KALRN: variants seen among roughly 807,000 people sequenced by gnomAD.
The protein encoded by KALRN is kalirin.
KALRN carries 70 observed loss-of-function variants against 353.7 expected under a neutral mutation model. The ratio of observed to expected loss-of-function variants is 0.20; its 90% CI spans 0.16 to 0.24. KALRN has a LOEUF of 0.24. Among genes scored for constraint, KALRN ranks in the 10% least tolerant of loss-of-function variants. The pLI is 1.00. For synonymous variants in KALRN, 1,391 were observed against 1,434.8 expected (o/e 0.97, Z 0.69); for missense variants, 2,791 against 3,756.7 (o/e 0.74, Z 6.72).
intron 1 of KALRN, among the ~76,000 whole-genome samples, chr3:124,130,346 G>A (rs1474946483): frequency 2.0e-5 from 3 of 151,942 alleles, no homozygotes; most frequent in African/African-American, 4.8e-5. Context: ...AGTCTGCAAT[G>A]GTTAGGTAGT....
At chr3:124,447,542 C>G (rs1049304399) in intron 21 of KALRN, among the ~76,000 whole-genome samples, 1 of 152,204 alleles carries the variant, frequency 6.6e-6, no homozygotes, top group African/African-American at 2.4e-5. Context: ...TCTGATCTGT[C>G]TCAAGTTCCT....
At chr3:124,542,932 G>A (rs186526809) in intron 33 of KALRN, among the ~76,000 whole-genome samples, 3 of 152,292 alleles carry the variant, frequency 2.0e-5, no homozygotes, top group African/African-American at 7.2e-5. Context: ...CTTGTGAGGC[G>A]GTAGTCAAGG....
chr3:124,298,047 A>G (rs2076983058), intron 5 of KALRN, among the ~76,000 whole-genome samples: 1 of 152,248 alleles, frequency 6.6e-6, no homozygotes, highest in Admixed American at 6.5e-5. Context: ...TGGTTGGGAA[A>G]TGTCATGCAC....
intron 3 of KALRN, among the ~76,000 whole-genome samples, chr3:124,236,646 A>G (rs2079810570): frequency 6.6e-6 from 1 of 152,200 alleles, no homozygotes; most frequent in Non-Finnish European, 1.5e-5. Context: ...AGAGGGAAAG[A>G]GTTGGAAGAA....
At chr3:124,391,454 T>G (rs942335943) in intron 11 of KALRN, among the ~76,000 whole-genome samples, 2 of 152,200 alleles carry the variant, frequency 1.3e-5, no homozygotes, top group African/African-American at 4.8e-5. Flanking sequence ...AGACATTGGC[T>G]TGTAGTAGCT....
intron 13 of KALRN, among the ~76,000 whole-genome samples, chr3:124,405,030 T>C (rs1010752254): frequency 6.6e-6 from 1 of 150,846 alleles, no homozygotes; most frequent in Non-Finnish European, 1.5e-5. Context: ...GTGATCACTG[T>C]CACATTTTCT....
intron 33 of KALRN, among the ~76,000 whole-genome samples, chr3:124,516,651 A>AAAC (rs2066605876): frequency 6.6e-6 from 1 of 151,742 alleles, no homozygotes; most frequent in South Asian, 2.1e-4. Flanking sequence ...AAAAAAAAAA[A>AAAC]AAAACCTGGT....
At chr3:124,399,054 C>T (rs916000031) in intron 13 of KALRN, among the ~76,000 whole-genome samples, 183 bp downstream of exon 13, 10 of 152,098 alleles carry the variant, frequency 6.6e-5, no homozygotes, top group Non-Finnish European at 1.3e-4. Context: ...CCCCTACTGC[C>T]GAGCAGAGCC....
chr3:124,208,793 C>T (rs902596841), intron 1 of KALRN, among the ~76,000 whole-genome samples: 3 of 151,768 alleles, frequency 2.0e-5, no homozygotes, highest in African/African-American at 7.3e-5. Context: ...AGGGAGGTCC[C>T]ATCTCTATAA....
chr3:124,112,304 CA>C (rs111307023), intron 1 of KALRN, among the ~76,000 whole-genome samples: 59 of 125,890 alleles, frequency 4.7e-4, no homozygotes, highest in Middle Eastern at 3.9e-3. Context: ...CTCCATCTCA[CA>C]AAAAAAAAAA....
At chr3:124,240,347 G>A (rs1181211833) in intron 3 of KALRN, among the ~76,000 whole-genome samples, 2 of 152,176 alleles carry the variant, frequency 1.3e-5, no homozygotes, top group Non-Finnish European at 2.9e-5. Context: ...CCCTCAACCT[G>A]GGTAATTTGG....
chr3:124,351,786 T>C (rs6788176), intron 10 of KALRN, among the ~76,000 whole-genome samples: 3,453 of 152,330 alleles, frequency 0.023, 113 homozygotes, highest in African/African-American at 0.078. Context: ...TTAACTTTTG[T>C]GTTTAATAGC....
Position 124,724,808 on chromosome 3 carries a change from A to G in KALRN, c.*5338A>G, listed in dbSNP as rs951632287. The G allele has an allele frequency of 6.6e-6, 1 of 152,246 alleles. No individual in the cohort carries two copies. Among genetic ancestry groups the G allele is most frequent in the Non-Finnish European group, 1.5e-5 (1 of 68,034 alleles). 9.4% of individuals were successfully genotyped at this position (152,246 alleles called of 1,614,324 possible). A position where few individuals can be genotyped will look rare whatever the true frequency, so the allele number is the denominator to read the frequency against. On this transcript the variant is annotated 3_prime_UTR_variant, in exon 60 of 60. Transcript: ENST00000682506. ...AGAAGTTAGAGGAGAGGAAAAAGCA[A>G]TCACTCTAAGACAACTTTTCGTCTT... is the stretch of plus-strand genomic sequence containing the variant.
intron 34 of KALRN, among the ~76,000 whole-genome samples, chr3:124,589,792 G>A (rs1425079634): frequency 3.9e-5 from 6 of 152,136 alleles, no homozygotes; most frequent in African/African-American, 1.2e-4. Flanking sequence ...AAACTTTAAG[G>A]ATGTTCAAGT....
chr3:124,464,071 C>G (rs1028234573), intron 25 of KALRN, among the ~76,000 whole-genome samples: 2 of 152,136 alleles, frequency 1.3e-5, no homozygotes, highest in African/African-American at 4.8e-5. Context: ...CCCAATAAAA[C>G]TATTTGACCA....
At chr3:124,046,292 G>A (rs2149111935) in intron 1 of KALRN, among the ~76,000 whole-genome samples, 1 of 152,316 alleles carries the variant, frequency 6.6e-6, no homozygotes, top group Non-Finnish European at 1.5e-5. Context: ...CTTCCCCAAA[G>A]TTAGGAAAGA....
intron 34 of KALRN, among the ~76,000 whole-genome samples, chr3:124,623,385 T>TAC (rs1448492596): frequency 1.2e-5 from 1 of 82,060 alleles, no homozygotes; most frequent in Non-Finnish European, 2.2e-5. Context: ...TATATATATA[T>TAC]ATATATTTAT....
intron 3 of KALRN, among the ~76,000 whole-genome samples, chr3:124,242,670 G>A (rs1023746888): frequency 7.9e-5 from 12 of 152,184 alleles, no homozygotes; most frequent in Admixed American, 7.2e-4. Flanking sequence ...GCTTCTCTTT[G>A]GAACCTAAGT....
Position 124,355,267 on chromosome 3 carries a change from A to G in KALRN, c.1770+8002A>G, listed in dbSNP as rs938301178. ...TTAAAGGCTTTTGAGTGATAATATA[A>G]ATTAAAATATAATATCTAAACCAGA... is the stretch of plus-strand genomic sequence containing the variant. On this transcript the variant is annotated intron_variant, in intron 10 of 59. Transcript: ENST00000682506. 6.6e-5 allele frequency among the ~76,000 whole-genome samples: 10 copies of G among 152,354 alleles called. No individual in the cohort carries two copies. The South Asian group carries it at 2.1e-3, about 32-fold the overall frequency.
Sources: allele counts gnomAD v4.1 joint callset (sites outside exome capture counted in the v4.1 genomes callset), GRCh38; gene constraint gnomAD v4.1.1; transcripts MANE v1.5; gene names NCBI Gene and HGNC (gene_info 2026-07-23, HGNC 2026-07-21).